Variants in KLHL4 observed in about 807,000 individuals in gnomAD.
The protein encoded by KLHL4 is kelch like family member 4, also known as kelch-like protein 4.
KLHL4 carries 17 observed loss-of-function variants against 45.8 expected under a neutral mutation model. The ratio of observed to expected loss-of-function variants is 0.37; its 90% CI spans 0.25 to 0.56. The LOEUF is 0.56. KLHL4 is among the 20% of genes least tolerant of loss of function. KLHL4 has a pLI of 0.79. For synonymous variants in KLHL4, 224 were observed against 189.9 expected, an observed-to-expected ratio of 1.18 and a Z score of -1.47; for missense variants, 544 against 544.9, an observed-to-expected ratio of 1.00 and a Z score of 0.02.
At chrX:87,602,755 A>G (rs1922059596) in intron 1 of KLHL4, among the ~76,000 whole-genome samples, 1 of 111,679 alleles carries the variant, frequency 9.0e-6, no homozygotes, top group Admixed American at 9.6e-5. Context: ...GTTTGTCTCT[A>G]TACATGCATG....
At chrX:87,525,431 A>G (rs976752131) in intron 1 of KLHL4, among the ~76,000 whole-genome samples, 2 of 111,596 alleles carry the variant, frequency 1.8e-5, no homozygotes, top group Admixed American at 1.9e-4. Context: ...CCTATGCTAA[A>G]AGAAAAATAT....
At chrX:87,642,007 C>T (rs1158084680) in intron 9 of KLHL4, among the ~76,000 whole-genome samples, 2 of 109,220 alleles carry the variant, frequency 1.8e-5, no homozygotes, top group African/African-American at 3.4e-5. Context: ...TTTAGGGCCC[C>T]ACCCACGGCC....
intron 9 of KLHL4, among the ~76,000 whole-genome samples, chrX:87,657,726 C>G (rs1924039561): frequency 9.0e-6 from 1 of 111,277 alleles, no homozygotes; most frequent in African/African-American, 3.3e-5. Flanking sequence ...AGGAGAAGTA[C>G]TCTAATGTCC....
intron 1 of KLHL4, among the ~76,000 whole-genome samples, chrX:87,583,295 A>C (rs1921348220): frequency 8.9e-6 from 1 of 112,006 alleles, no homozygotes; most frequent in African/African-American, 3.2e-5. Context: ...AGCTGGCTTC[A>C]CCTCTCAATT....
chrX:87,640,891 A>G lies in KLHL4; in HGVS notation c.1925+5116A>G, dbSNP rs930857137. ...AGGGCATCCAAATTGGTAATAAGGA[A>G]GTCAAACTGTCACTGTTTGCTGATG... On this transcript the variant is annotated intron_variant, in intron 9 of 10. Transcript: ENST00000373119. Among the ~76,000 whole-genome samples, 3 of 112,131 alleles carry G rather than the reference A, an allele frequency of 2.7e-5. No individual in the cohort carries two copies. In the Admixed American group the frequency reaches 2.8e-4, roughly 11 times the overall value.
intron 1 of KLHL4, among the ~76,000 whole-genome samples, chrX:87,600,619 A>G (rs1921990023): frequency 8.9e-6 from 1 of 112,029 alleles, no homozygotes; most frequent in African/African-American, 3.2e-5. Flanking sequence ...GGAGACCTCC[A>G]CGGAAGCTGA....
intron 1 of KLHL4, among the ~76,000 whole-genome samples, chrX:87,526,724 A>G (rs1016932524): frequency 1.8e-5 from 2 of 111,900 alleles, no homozygotes; most frequent in African/African-American, 6.5e-5. Context: ...GTATACTCCA[A>G]TGGAAGACTT....
At chrX:87,598,161 G>T (rs1029947915) in intron 1 of KLHL4, among the ~76,000 whole-genome samples, 4 of 110,697 alleles carry the variant, frequency 3.6e-5, no homozygotes, top group African/African-American at 9.8e-5. Flanking sequence ...TATTTGTAAT[G>T]AGTATATAAA....
intron 1 of KLHL4, among the ~76,000 whole-genome samples, chrX:87,534,157 G>T (rs1931379570): frequency 9.0e-6 from 1 of 111,389 alleles, no homozygotes; most frequent in South Asian, 3.7e-4. Context: ...CATTTTCAGA[G>T]ACCCTAGTAA....
At chrX:87,604,046 T>G (rs1922108314) in intron 1 of KLHL4, among the ~76,000 whole-genome samples, 1 of 111,059 alleles carries the variant, frequency 9.0e-6, no homozygotes, top group South Asian at 3.8e-4. Flanking sequence ...AGGTCGATCC[T>G]TGTTTCATAA....
chrX:87,557,148 A>C (rs898072586), intron 1 of KLHL4, among the ~76,000 whole-genome samples: 14 of 112,267 alleles, frequency 1.2e-4, no homozygotes, highest in East Asian at 5.6e-4. Context: ...ACTGAAAAGC[A>C]GCAATTCAAA....
chrX:87,608,428 T>C (rs896210558), intron 1 of KLHL4, among the ~76,000 whole-genome samples: 3 of 111,890 alleles, frequency 2.7e-5, no homozygotes, highest in Non-Finnish European at 5.6e-5. Flanking sequence ...CACTGGACTG[T>C]TGCAGTTCCT....
chrX:87,622,559 G>T, intron 5 of KLHL4, 136 bp downstream of exon 5: 1 of 400,969 alleles, frequency 2.5e-6, no homozygotes, highest in Non-Finnish European at 4.2e-6. Flanking sequence ...TTTCACAGAA[G>T]AACATATTCA....
intron 1 of KLHL4, among the ~76,000 whole-genome samples, chrX:87,589,228 A>G (rs922830240): frequency 2.7e-5 from 3 of 112,110 alleles, no homozygotes; most frequent in African/African-American, 9.7e-5. Flanking sequence ...TATTACAACC[A>G]CTATGTAGAA....
At chrX:87,523,286 A>C (rs1013666142) in intron 1 of KLHL4, among the ~76,000 whole-genome samples, 1 of 111,677 alleles carries the variant, frequency 9.0e-6, no homozygotes, top group Non-Finnish European at 1.9e-5. Flanking sequence ...TGACTTTATT[A>C]GTGAAAATAA....
intron 1 of KLHL4, among the ~76,000 whole-genome samples, chrX:87,561,970 C>A (rs984183887): frequency 2.7e-5 from 3 of 109,606 alleles, no homozygotes; most frequent in African/African-American, 9.9e-5. Context: ...ACTAAAGAAC[C>A]CTTCAGCCAT....
intron 1 of KLHL4, among the ~76,000 whole-genome samples, chrX:87,555,179 CTT>C (rs1344008915): frequency 9.5e-6 from 1 of 105,516 alleles, no homozygotes; most frequent in African/African-American, 3.5e-5. Flanking sequence ...CTAAAATTCT[CTT>C]TTTTGGTTGT....
intron 9 of KLHL4, among the ~76,000 whole-genome samples, chrX:87,635,976 A>C (rs901860196): frequency 9.0e-6 from 1 of 111,449 alleles, no homozygotes; most frequent in Non-Finnish European, 1.9e-5. Context: ...CTCCTGTTCT[A>C]GGCTCTTTCA....
In KLHL4 at chrX:87,572,794, T is replaced by TAAA. The variant is rs59585746; in HGVS notation, c.423-41073_423-41071dup. ...ATGTACCCTAAAACTTAAAGTATAA[T>TAAA]AAAAAAAAAAAACTAGGAAGGAAAA... On this transcript the variant is annotated intron_variant, in intron 1 of 10. Coordinates refer to ENST00000373119, the MANE Select transcript of KLHL4 (RefSeq NM_019117.5). Among the ~76,000 whole-genome samples, 644 of 77,830 alleles carry TAAA rather than the reference T, an allele frequency of 8.3e-3. 3 individuals carry two copies. The highest frequency in any genetic ancestry group is 0.013 in the Non-Finnish European group (534 of 39,775). The allele number at this position is 77,830 out of a possible 115,157, so 67.6% of individuals were successfully genotyped here.
Sources: gnomAD v4.1 joint callset for allele counts (sites outside exome capture counted in the v4.1 genomes callset) on GRCh38, gnomAD v4.1.1 for gene constraint, MANE v1.5 for transcripts, NCBI Gene and HGNC (gene_info 2026-07-23, HGNC 2026-07-21) for gene names.